The following GRM1 variants were observed in gnomAD, a reference collection of about 807,000 sequenced individuals.
GRM1 encodes metabotropic glutamate receptor 1.
GRM1 carries 33 observed loss-of-function variants against 90.9 expected under a neutral mutation model. The observed-to-expected ratio is 0.36, with a 90% CI of 0.28 to 0.49. GRM1 has a LOEUF of 0.49. GRM1 is among the 20% of genes least tolerant of loss of function. The pLI is 0.99. For missense variants in GRM1, 1,190 were observed against 1,534.3 expected, an observed-to-expected ratio of 0.78 and a Z score of 3.75; for synonymous variants, 700 against 613.2, an observed-to-expected ratio of 1.14 and a Z score of -2.09.
chr6:146,315,035 A>T (rs534469516), intron 3 of GRM1, among the ~76,000 whole-genome samples: 1 of 152,302 alleles, frequency 6.6e-6, no homozygotes, highest in South Asian at 2.1e-4. Flanking sequence ...AGTTATATTT[A>T]TGGTATAGTT....
chr6:146,305,573 C>T (rs981423133), intron 3 of GRM1, among the ~76,000 whole-genome samples: 2 of 152,108 alleles, frequency 1.3e-5, no homozygotes, highest in African/African-American at 4.8e-5. Context: ...TCTATGCTGC[C>T]AAGATAAATC....
chr6:146,188,254 T>G (rs111647715), intron 2 of GRM1, among the ~76,000 whole-genome samples: 1,743 of 152,300 alleles, frequency 0.011, 19 homozygotes, highest in Non-Finnish European at 0.019. Context: ...TAAATCATTC[T>G]GTCTACACAT....
At chr6:146,114,406 C>A (rs1409274445) in intron 1 of GRM1, among the ~76,000 whole-genome samples, 2 of 152,112 alleles carry the variant, frequency 1.3e-5, no homozygotes, top group African/African-American at 4.8e-5. Context: ...CCCAGGAATT[C>A]CATTTTCTGA....
At chr6:146,183,007 C>G (rs1778604211) in intron 2 of GRM1, among the ~76,000 whole-genome samples, 1 of 152,010 alleles carries the variant, frequency 6.6e-6, no homozygotes, top group South Asian at 2.1e-4. Context: ...ACTAAAGTAA[C>G]AATCTGGAGG....
chr6:146,354,968 A>T (rs1285848984), intron 4 of GRM1, among the ~76,000 whole-genome samples: 1 of 151,796 alleles, frequency 6.6e-6, no homozygotes, highest in Non-Finnish European at 1.5e-5. Context: ...AATATTGTGA[A>T]TTTTTTTTGT....
chr6:146,281,400 A>C (rs1198773886), intron 2 of GRM1, among the ~76,000 whole-genome samples: 2 of 152,160 alleles, frequency 1.3e-5, no homozygotes, highest in African/African-American at 4.8e-5. Context: ...TTTCAACTCT[A>C]AGTTCTATCT....
chr6:146,392,398 C>A (rs1218833412), intron 6 of GRM1, among the ~76,000 whole-genome samples: 1 of 152,108 alleles, frequency 6.6e-6, no homozygotes, highest in Admixed American at 6.6e-5. Flanking sequence ...CGTATTAGAC[C>A]TTTTGACTTT....
intron 5 of GRM1, among the ~76,000 whole-genome samples, chr6:146,365,810 T>TGACCTGGG (rs1473446745): frequency 6.6e-6 from 1 of 152,164 alleles, no homozygotes; most frequent in Non-Finnish European, 1.5e-5. Context: ...TTCAGGTGTC[T>TGACCTGGG]TCCTATCAGG....
At chr6:146,123,671 T>C (rs1776088889) in intron 1 of GRM1, among the ~76,000 whole-genome samples, 1 of 152,344 alleles carries the variant, frequency 6.6e-6, no homozygotes, top group Non-Finnish European at 1.5e-5. Context: ...TCTTCATGAA[T>C]TCTGAGAGGA....
At chr6:146,369,867 T>C (rs1775834626) in intron 5 of GRM1, among the ~76,000 whole-genome samples, 2 of 151,834 alleles carry the variant, frequency 1.3e-5, no homozygotes, top group African/African-American at 2.4e-5. Context: ...TTAACTCCAA[T>C]GTTTCTTTAT....
At chr6:146,321,327 G>A (rs537376699) in intron 3 of GRM1, among the ~76,000 whole-genome samples, 21 of 152,282 alleles carry the variant, frequency 1.4e-4, no homozygotes, top group Non-Finnish European at 2.2e-4. Flanking sequence ...CTACGCTGTC[G>A]TCTGCGAGAC....
chr6:146,043,983 C>A (rs551196852), intron 1 of GRM1, among the ~76,000 whole-genome samples: 5 of 151,558 alleles, frequency 3.3e-5, no homozygotes, highest in African/African-American at 1.2e-4. Context: ...ACAGAAGAAT[C>A]CTTGAGTGTT....
At chr6:146,090,186 G>A (rs1335499562) in intron 1 of GRM1, among the ~76,000 whole-genome samples, 1 of 152,048 alleles carries the variant, frequency 6.6e-6, no homozygotes, top group Admixed American at 6.6e-5. Context: ...TGTTCCAATA[G>A]CAAATTGTAG....
rs374086799 is a variant in GRM1, at chr6:146,089,206, C to T, written c.700+58989C>T. On this transcript the variant is annotated intron_variant, in intron 1 of 7. Coordinates refer to ENST00000282753, the MANE Select transcript of GRM1 (RefSeq NM_001278064.2). ...AGCCCATCTGGCAAGGCACTGTGGA[C>T]CTACTACAGGTAAACTTTGAGAGGT... 1.1e-4 allele frequency among the ~76,000 whole-genome samples: 16 copies of T among 152,212 alleles called. No homozygotes were observed. The East Asian group carries it at 3.1e-3, about 29-fold the overall frequency.
intron 2 of GRM1, among the ~76,000 whole-genome samples, chr6:146,217,614 G>A (rs1288767279): frequency 6.6e-6 from 1 of 152,162 alleles, no homozygotes; most frequent in Non-Finnish European, 1.5e-5. Context: ...GAATGTAGGT[G>A]CCTACTGTGT....
chr6:146,383,150 AACTC>A (rs1776380386), intron 5 of GRM1, among the ~76,000 whole-genome samples: 1 of 152,210 alleles, frequency 6.6e-6, no homozygotes, highest in Non-Finnish European at 1.5e-5. Flanking sequence ...TTAAAAAACT[AACTC>A]CATGTAAGCA....
chr6:146,274,655 A>G (rs1026194423), intron 2 of GRM1, among the ~76,000 whole-genome samples: 3 of 152,360 alleles, frequency 2.0e-5, no homozygotes, highest in African/African-American at 7.2e-5. Context: ...CAGAATGTTG[A>G]ATATATATTA....
In GRM1 at chr6:146,265,361, A is replaced by G. The variant is rs146190877; in HGVS notation, c.951-39250A>G. Among the ~76,000 whole-genome samples the G allele has an allele frequency of 1.7e-3, 259 of 151,888 alleles. 3 individuals are homozygous for G. Among genetic ancestry groups the G allele is most frequent in the Non-Finnish European group, 3.0e-3 (205 of 67,916 alleles). On this transcript the variant is annotated intron_variant, in intron 2 of 7. Coordinates refer to ENST00000282753, the MANE Select transcript of GRM1 (RefSeq NM_001278064.2). ...GAATGTCTGTTCATGTCCCTTGTTC[A>G]CTCTTTAGTAGAGTTATTTGATTTT...
At chr6:146,181,799 G>T (rs76698189) in intron 2 of GRM1, among the ~76,000 whole-genome samples, 6,036 of 152,158 alleles carry the variant, frequency 0.04, 176 homozygotes, top group Non-Finnish European at 0.063. Context: ...AAAGAGAGGT[G>T]AATAAATATG....
Sources: gnomAD v4.1 joint callset for allele counts (sites outside exome capture counted in the v4.1 genomes callset) on GRCh38, gnomAD v4.1.1 for gene constraint, MANE v1.5 for transcripts, NCBI Gene and HGNC (gene_info 2026-07-23, HGNC 2026-07-21) for gene names.